TOP6BL: variants seen among roughly 807,000 people sequenced by gnomAD.
The protein encoded by TOP6BL is TOP6B like initiator of meiotic double strand breaks.
At chr11:66,745,051 C>G in the TOP6BL span, 1 of 953,892 alleles carries the variant, frequency 1.0e-6, no homozygotes, top group Non-Finnish European at 1.4e-6. Flanking sequence ...AATCGAGGCC[C>G]GTCTCCCACG....
At chr11:66,786,777 C>T in the TOP6BL span, among the ~76,000 whole-genome samples, 1 of 152,080 alleles carries the variant, frequency 6.6e-6, no homozygotes, top group Non-Finnish European at 1.5e-5. Flanking sequence ...TGAAGATTGA[C>T]GTAAGACATC....
the TOP6BL span, among the ~76,000 whole-genome samples, chr11:66,772,850 G>A: frequency 6.6e-6 from 1 of 151,918 alleles, no homozygotes; most frequent in Admixed American, 6.6e-5. Flanking sequence ...GTCTTTTTTT[G>A]GTACAAGTAA....
chr11:66,806,062 A>G, the TOP6BL span, among the ~76,000 whole-genome samples: 4 of 152,206 alleles, frequency 2.6e-5, no homozygotes, highest in African/African-American at 9.6e-5. Flanking sequence ...GTAAGGAGCT[A>G]TATAGGAATT....
chr11:66,814,490 T>C, the TOP6BL span, among the ~76,000 whole-genome samples: 1 of 152,238 alleles, frequency 6.6e-6, no homozygotes, highest in Admixed American at 6.5e-5. Context: ...CTTGAACTCC[T>C]GACCTCAAGT....
the TOP6BL span, among the ~76,000 whole-genome samples, chr11:66,831,089 A>T: frequency 9.9e-5 from 15 of 152,234 alleles, no homozygotes. Flanking sequence ...ATACCACTGG[A>T]ATAAAAGGAC....
chr11:66,782,810 C>T, the TOP6BL span, among the ~76,000 whole-genome samples: 1 of 152,014 alleles, frequency 6.6e-6, no homozygotes, highest in African/African-American at 2.4e-5. Context: ...GCTATGTGTT[C>T]GTAATGTCAT....
At chr11:66,770,431 C>G in the TOP6BL span, among the ~76,000 whole-genome samples, 2 of 152,070 alleles carry the variant, frequency 1.3e-5, no homozygotes, top group African/African-American at 4.8e-5. Flanking sequence ...AGGCCAGGCA[C>G]GGTGGCTCAT....
the TOP6BL span, chr11:66,762,404 G>T: frequency 5.8e-6 from 2 of 347,084 alleles, no homozygotes; most frequent in South Asian, 5.1e-5. Context: ...CAGCATGGCG[G>T]AGAGGACTGC....
At chr11:66,794,429 A>G in the TOP6BL span, among the ~76,000 whole-genome samples, 1 of 152,310 alleles carries the variant, frequency 6.6e-6, no homozygotes, top group South Asian at 2.1e-4. Flanking sequence ...AAAGATTTAT[A>G]GCCAAGTTGA....
At chr11:66,747,305 A>G in the TOP6BL span, among the ~76,000 whole-genome samples, 6 of 152,202 alleles carry the variant, frequency 3.9e-5, no homozygotes, top group Non-Finnish European at 5.9e-5. Context: ...TCTTTACTGC[A>G]TTAGAACTTA....
At chr11:66,809,136 G>A in the TOP6BL span, among the ~76,000 whole-genome samples, 1 of 152,160 alleles carries the variant, frequency 6.6e-6, no homozygotes, top group Non-Finnish European at 1.5e-5. Context: ...AGTAGAGACG[G>A]GGTTTCACCG....
chr11:66,843,306 G>C, the TOP6BL span: 95 of 1,552,544 alleles, frequency 6.1e-5, no homozygotes, highest in Non-Finnish European at 7.2e-5. Flanking sequence ...GTTTAATAAA[G>C]CTGCCGCGCG....
At chr11:66,787,732 A>T in the TOP6BL span, among the ~76,000 whole-genome samples, 1 of 151,816 alleles carries the variant, frequency 6.6e-6, no homozygotes, top group African/African-American at 2.4e-5. Flanking sequence ...AAAAAAAAAA[A>T]AAGGTACATG....
the TOP6BL span, among the ~76,000 whole-genome samples, chr11:66,840,530 C>G: frequency 5.9e-5 from 9 of 152,228 alleles, no homozygotes; most frequent in South Asian, 1.9e-3. Flanking sequence ...GAAAATCTCC[C>G]GTGACCTTGA....
the TOP6BL span, among the ~76,000 whole-genome samples, chr11:66,746,077 C>G: frequency 6.6e-6 from 1 of 152,076 alleles, no homozygotes; most frequent in Non-Finnish European, 1.5e-5. Flanking sequence ...TCCCAAAGTG[C>G]TGGGACCGGC....
At chr11:66,760,815 CAAAA>C in the TOP6BL span, among the ~76,000 whole-genome samples, 3 of 149,990 alleles carry the variant, frequency 2.0e-5, no homozygotes, top group African/African-American at 2.5e-5. Flanking sequence ...AACAAACAAA[CAAAA>C]AAAGGGAACA....
the TOP6BL span, among the ~76,000 whole-genome samples, chr11:66,841,078 C>A: frequency 6.8e-6 from 1 of 147,930 alleles, no homozygotes; most frequent in Non-Finnish European, 1.5e-5. Flanking sequence ...TTTATCACAT[C>A]TGAAATCTTG....
At chr11:66,838,725 A>T in the TOP6BL span, among the ~76,000 whole-genome samples, 53 of 152,044 alleles carry the variant, frequency 3.5e-4, no homozygotes, top group Non-Finnish European at 6.8e-4. Flanking sequence ...AGGGCCCTGA[A>T]TTTTATTTTA....
At chr11:66,744,819 G>GGAGGGGGCGGCGGCGGCGGC in the TOP6BL span, 1 of 1,230,232 alleles carries the variant, frequency 8.1e-7, no homozygotes, top group East Asian at 3.2e-5. Context: ...GCTGAGGAGG[G>GGAGGGGGCGGCGGCGGCGGC]GGCGGCGGCG....
Sources: allele counts gnomAD v4.1 joint callset (sites outside exome capture counted in the v4.1 genomes callset), GRCh38; gene constraint gnomAD v4.1.1; transcripts MANE v1.5; gene names NCBI Gene and HGNC (gene_info 2026-07-23, HGNC 2026-07-21).